The following STXBP5 variants were observed in gnomAD, a reference collection of about 807,000 sequenced individuals.
The protein encoded by STXBP5 is syntaxin-binding protein 5.
Under a neutral mutation model 152.4 loss-of-function variants are expected in STXBP5, and 50 were observed. The observed-to-expected ratio is 0.33, with a 90% confidence interval of 0.26 to 0.42. The LOEUF (loss-of-function observed/expected upper bound fraction) is 0.42, where lower values mean the gene tolerates loss of function less well. STXBP5 is among the 10% of genes least tolerant of loss of function. The pLI is 1.00. For missense variants in STXBP5, 1,167 were observed against 1,388.6 expected, an observed-to-expected ratio of 0.84 and a Z score of 2.54; for synonymous variants, 492 against 494.7, an observed-to-expected ratio of 0.99 and a Z score of 0.07.
At chr6:147,262,499 T>C in intron 6 of STXBP5, 146 bp downstream of exon 6, 1 of 446,558 alleles carries the variant, frequency 2.2e-6, no homozygotes, top group Non-Finnish European at 4.0e-6. Context: ...TATTATTAAT[T>C]ATTAAGAACA....
chr6:147,351,577 C>CTG (rs1188039656), intron 21 of STXBP5, among the ~76,000 whole-genome samples: 1 of 152,120 alleles, frequency 6.6e-6, no homozygotes, highest in Non-Finnish European at 1.5e-5. Flanking sequence ...CAAGAACAAC[C>CTG]ATGTATGTGA....
At chr6:147,257,814 A>C (rs1779445995) in intron 4 of STXBP5, among the ~76,000 whole-genome samples, 1 of 152,224 alleles carries the variant, frequency 6.6e-6, no homozygotes, top group African/African-American at 2.4e-5. Flanking sequence ...GAACAACCCC[A>C]AACTTAGAGG....
intron 2 of STXBP5, among the ~76,000 whole-genome samples, chr6:147,213,473 T>TGCGCGC (rs1402421132): frequency 4.0e-5 from 5 of 126,424 alleles, no homozygotes; most frequent in African/African-American, 1.5e-4. Context: ...TGTGTGTGTG[T>TGCGCGC]GTGTGCGCGC....
intron 27 of STXBP5, 57 bp from the exon 28 acceptor site, chr6:147,384,657 T>G: frequency 6.5e-7 from 1 of 1,533,338 alleles, no homozygotes; most frequent in Non-Finnish European, 9.0e-7. Context: ...AAATCACTTA[T>G]AAATGTTATT....
intron 25 of STXBP5, among the ~76,000 whole-genome samples, chr6:147,372,406 C>CTTTTTTTTTTT (rs1583009383): frequency 0.027 from 1,064 of 39,106 alleles, 525 homozygotes; most frequent in South Asian, 0.038. Flanking sequence ...CCGTCCTTTT[C>CTTTTTTTTTTT]CTTTTTTTTT....
At chr6:147,350,506 T>A (rs1784541011) in intron 21 of STXBP5, among the ~76,000 whole-genome samples, 1 of 152,182 alleles carries the variant, frequency 6.6e-6, no homozygotes, top group South Asian at 2.1e-4. Context: ...GTTACTTTTA[T>A]CTTATAAATC....
chr6:147,311,634 T>C (rs934656943), intron 11 of STXBP5, 107 bp downstream of exon 11: 1 of 815,330 alleles, frequency 1.2e-6, no homozygotes, highest in Non-Finnish European at 1.9e-6. Flanking sequence ...TACATTTATA[T>C]CCATAACCTT....
At chr6:147,327,031 C>A in intron 17 of STXBP5, 94 bp from the exon 18 acceptor site, 1 of 1,153,726 alleles carries the variant, frequency 8.7e-7, no homozygotes, top group Non-Finnish European at 1.2e-6. Context: ...TCTGAAAGAC[C>A]CACCATGCTT....
At chr6:147,270,940 T>C (rs1353500565) in intron 7 of STXBP5, among the ~76,000 whole-genome samples, 2 of 152,142 alleles carry the variant, frequency 1.3e-5, no homozygotes, top group African/African-American at 4.8e-5. Context: ...GATAAAGATA[T>C]GTATTGTAAA....
intron 25 of STXBP5, among the ~76,000 whole-genome samples, chr6:147,367,475 A>G (rs367934721): frequency 6.6e-6 from 1 of 152,042 alleles, no homozygotes; most frequent in Non-Finnish European, 1.5e-5. Flanking sequence ...CGTCTCAACT[A>G]AAAATACAAA....
At chr6:147,281,722 T>C (rs972293186) in intron 8 of STXBP5, among the ~76,000 whole-genome samples, 4 of 152,224 alleles carry the variant, frequency 2.6e-5, no homozygotes, top group Non-Finnish European at 4.4e-5. Flanking sequence ...CTCCTACCAG[T>C]ACTTTACGAT....
intron 25 of STXBP5, among the ~76,000 whole-genome samples, chr6:147,365,823 T>C (rs1785265579): frequency 6.6e-6 from 1 of 152,198 alleles, no homozygotes; most frequent in Admixed American, 6.5e-5. Context: ...TTCCTTCAAC[T>C]TTAGCCCAAA....
In STXBP5 at chr6:147,204,710, C is replaced by T. The variant is rs41311404; in HGVS notation, c.150+28C>T. The T allele has an allele frequency of 0.033, 49,920 of 1,526,250 alleles. 989 individuals are homozygous for T. The highest frequency in any genetic ancestry group is 0.039 in the Non-Finnish European group (44,337 of 1,134,124). The allele number at this position is 1,526,250 out of a possible 1,614,324, so 94.5% of individuals were successfully genotyped here. A position where few individuals can be genotyped will look rare whatever the true frequency, so the allele number is the denominator to read the frequency against. On this transcript the variant is annotated intron_variant, in intron 1 of 27. Transcript: ENST00000321680. This position sits in a 1 kb window ranked among gnomAD's most constrained non-coding sequence, Gnocchi z 4.3. ...GAACGGAGCGCGCAGCCCCGCGACA[C>T]CGTCATTGAAAAATTGGGGTTGTTT...
At chr6:147,242,532 A>G (rs539451802) in intron 4 of STXBP5, among the ~76,000 whole-genome samples, 83 of 152,292 alleles carry the variant, frequency 5.5e-4, no homozygotes, top group African/African-American at 1.9e-3. Flanking sequence ...TCCGTTCATG[A>G]TAACTGCCCT....
chr6:147,304,055 A>T (rs1266899418), intron 9 of STXBP5, among the ~76,000 whole-genome samples: 1 of 152,270 alleles, frequency 6.6e-6, no homozygotes, highest in Non-Finnish European at 1.5e-5. Context: ...AGAAATTCAA[A>T]CCTGCTGCAG....
intron 6 of STXBP5, among the ~76,000 whole-genome samples, 171 bp from the exon 7 acceptor site, chr6:147,266,913 G>C (rs747102001): frequency 6.6e-6 from 1 of 152,076 alleles, no homozygotes; most frequent in Non-Finnish European, 1.5e-5. Flanking sequence ...ATGCCATACA[G>C]TGTTCTCATT....
chr6:147,218,033 A>G (rs1310510347), intron 2 of STXBP5, among the ~76,000 whole-genome samples: 2 of 152,116 alleles, frequency 1.3e-5, no homozygotes. Flanking sequence ...TTTTTAATAT[A>G]TTTTCTAAAT....
At chr6:147,305,226 G>C (rs1199995659) in intron 9 of STXBP5, among the ~76,000 whole-genome samples, 1 of 152,070 alleles carries the variant, frequency 6.6e-6, no homozygotes, top group African/African-American at 2.4e-5. Flanking sequence ...GTTTGTGTTT[G>C]TTTGTTTTAC....
At chr6:147,320,512 G>GA (rs1359183170) in intron 16 of STXBP5, among the ~76,000 whole-genome samples, 12 of 151,414 alleles carry the variant, frequency 7.9e-5, no homozygotes, top group East Asian at 7.8e-4. Context: ...TGACACTCAA[G>GA]AAAATACAAC....
Sources: gnomAD v4.1 joint callset for allele counts (sites outside exome capture counted in the v4.1 genomes callset) on GRCh38, gnomAD v4.1.1 for gene constraint, Gnocchi (gnomAD v3.1) non-coding constraint, MANE v1.5 for transcripts, NCBI Gene and HGNC (gene_info 2026-07-23, HGNC 2026-07-21) for gene names.